Variants in GRIA4 observed in about 807,000 individuals in gnomAD.
GRIA4 encodes the protein glutamate ionotropic receptor AMPA type subunit 4.
Under a neutral mutation model 104.0 loss-of-function variants are expected in GRIA4, and 34 were observed. The observed-to-expected ratio is 0.33, with a 90% CI of 0.25 to 0.44. The LOEUF is 0.44. Among genes scored for constraint, GRIA4 ranks in the 20% least tolerant of loss-of-function variants. The pLI is 1.00. For missense variants in GRIA4, 750 were observed against 1,096.5 expected (o/e 0.68, Z 4.46); for synonymous variants, 386 against 381.9 (o/e 1.01, Z -0.13).
chr11:105,647,453 A>G (rs747412213), intron 3 of GRIA4, among the ~76,000 whole-genome samples: 20 of 151,974 alleles, frequency 1.3e-4, no homozygotes, highest in Non-Finnish European at 5.9e-5. Context: ...TATATATCCA[A>G]AGGAATATAA....
chr11:105,931,532 G>A (rs112088223), intron 13 of GRIA4, among the ~76,000 whole-genome samples: 12,096 of 151,610 alleles, frequency 0.08, 531 homozygotes, highest in Middle Eastern at 0.099. Flanking sequence ...ATGAAACCCC[G>A]TCTCTACTAA....
chr11:105,886,195 A>G (rs1946249872), intron 5 of GRIA4, among the ~76,000 whole-genome samples: 1 of 152,030 alleles, frequency 6.6e-6, no homozygotes, highest in South Asian at 2.1e-4. Flanking sequence ...TTATTTATTT[A>G]TTTATTTATT....
intron 3 of GRIA4, among the ~76,000 whole-genome samples, chr11:105,685,699 A>G (rs1952857640): frequency 6.6e-6 from 1 of 152,202 alleles, no homozygotes; most frequent in Non-Finnish European, 1.5e-5. Flanking sequence ...AGGACATTCT[A>G]TGAGAAGAGA....
chr11:105,909,368 G>A (rs1268065120), intron 9 of GRIA4, among the ~76,000 whole-genome samples: 1 of 152,102 alleles, frequency 6.6e-6, no homozygotes, highest in African/African-American at 2.4e-5. Context: ...TTTATCAACT[G>A]AATCAAGAAA....
In GRIA4 at chr11:105,788,032, T is replaced by C. The variant is rs115740205; in HGVS notation, c.487+34812T>C. ...AAGGCATGTGGATTTAGTCAAGGTT[T>C]GATCAGTAAAGAAAGTACTATTGTT... is the stretch of plus-strand genomic sequence containing the variant. On this transcript the variant is annotated intron_variant, in intron 4 of 16. Coordinates refer to ENST00000282499, the MANE Select transcript of GRIA4 (RefSeq NM_000829.4). 6.0e-3 allele frequency among the ~76,000 whole-genome samples: 912 copies of C among 152,230 alleles called. 16 individuals carry two copies. The highest frequency in any genetic ancestry group is 0.02 in the African/African-American group (826 of 41,536).
At chr11:105,866,532 CATAT>C (rs1386433073) in intron 5 of GRIA4, among the ~76,000 whole-genome samples, 1 of 100,046 alleles carries the variant, frequency 1.0e-5, no homozygotes, top group Non-Finnish European at 2.0e-5. Flanking sequence ...CATATATACG[CATAT>C]GTGTGTGTGT....
chr11:105,611,908 T>C (rs1355375598), intron 2 of GRIA4, among the ~76,000 whole-genome samples: 1 of 152,134 alleles, frequency 6.6e-6, no homozygotes, highest in Non-Finnish European at 1.5e-5. Context: ...ATCCCTTCAT[T>C]TCCGTATTTT....
At chr11:105,686,906 T>A (rs988029925) in intron 3 of GRIA4, among the ~76,000 whole-genome samples, 7 of 152,170 alleles carry the variant, frequency 4.6e-5, no homozygotes, top group Non-Finnish European at 7.4e-5. Flanking sequence ...ATTTTGCCAA[T>A]GTTTTAATGG....
chr11:105,630,077 G>GT lies in GRIA4; in HGVS notation c.247+17649dup, dbSNP rs761131586. ...GCCATCTGGTCACTTTCTTTAGGTA[G>GT]TTTTTTCTGACCACCCCAGATTGAT... On this transcript the variant is annotated intron_variant, in intron 3 of 16. Transcript: ENST00000282499. Among the ~76,000 whole-genome samples the GT allele has an allele frequency of 9.2e-5, 14 of 152,216 alleles. No individual in the cohort carries two copies. The East Asian group carries it at 2.5e-3, about 27-fold the overall frequency.
intron 11 of GRIA4, among the ~76,000 whole-genome samples, chr11:105,924,046 A>C (rs1385362620): frequency 6.6e-6 from 1 of 152,164 alleles, no homozygotes; most frequent in Non-Finnish European, 1.5e-5. Flanking sequence ...GGAAATTCAC[A>C]AATTCAGCCA....
At chr11:105,889,732 G>A (rs1946394126) in intron 6 of GRIA4, among the ~76,000 whole-genome samples, 1 of 151,912 alleles carries the variant, frequency 6.6e-6, no homozygotes, top group African/African-American at 2.4e-5. Context: ...TCAATAAAAG[G>A]CATCCAGATT....
intron 4 of GRIA4, among the ~76,000 whole-genome samples, chr11:105,831,289 GT>G (rs1330795351): frequency 2.0e-5 from 3 of 151,976 alleles, no homozygotes; most frequent in Non-Finnish European, 4.4e-5. Flanking sequence ...AAGAAGGAGT[GT>G]TTCAAAGGAT....
intron 10 of GRIA4, among the ~76,000 whole-genome samples, chr11:105,914,906 A>G (rs1321738762): frequency 1.3e-5 from 2 of 152,172 alleles, no homozygotes; most frequent in Non-Finnish European, 2.9e-5. Context: ...GGAATTTATT[A>G]TATTGAAAAG....
At chr11:105,908,467 C>T (rs1947119715) in intron 9 of GRIA4, among the ~76,000 whole-genome samples, 1 of 151,994 alleles carries the variant, frequency 6.6e-6, no homozygotes. Flanking sequence ...CTTTAGGATT[C>T]CTTTCTTTAG....
intron 4 of GRIA4, among the ~76,000 whole-genome samples, chr11:105,773,219 C>G (rs577094921): frequency 4.6e-5 from 7 of 152,146 alleles, no homozygotes; most frequent in Admixed American, 1.3e-4. Context: ...GTACAAGGTA[C>G]AGGTCCCTTC....
intron 4 of GRIA4, among the ~76,000 whole-genome samples, chr11:105,769,430 C>T (rs1333012054): frequency 6.6e-6 from 1 of 151,906 alleles, no homozygotes; most frequent in African/African-American, 2.4e-5. Context: ...ACAGTGTACC[C>T]ATGAGTATGA....
At chr11:105,688,430 G>A (rs1280158016) in intron 3 of GRIA4, among the ~76,000 whole-genome samples, 4 of 152,000 alleles carry the variant, frequency 2.6e-5, no homozygotes, top group African/African-American at 7.2e-5. Flanking sequence ...GCGTGGTGGC[G>A]TGCGCCTGTA....
rs374778134 is a variant in GRIA4, at chr11:105,864,902, T to C, written c.672+2694T>C. Among the ~76,000 whole-genome samples the C allele has an allele frequency of 1.0e-3, 157 of 152,278 alleles. No individual in the cohort carries two copies. In the South Asian group the frequency reaches 0.031, roughly 30 times the overall value. ...AAAAATTTCTAGAAGGATGGGCACA[T>C]TTCATATTATGGTAGCATGCCATCA... On this transcript the variant is annotated intron_variant, in intron 5 of 16. Transcript: ENST00000282499.
intron 4 of GRIA4, among the ~76,000 whole-genome samples, chr11:105,765,913 G>T (rs1940913721): frequency 6.6e-6 from 1 of 152,110 alleles, no homozygotes; most frequent in East Asian, 1.9e-4. Context: ...ATGTGAAAAA[G>T]ATTATGAGGT....
Sources: allele counts gnomAD v4.1 joint callset (sites outside exome capture counted in the v4.1 genomes callset), GRCh38; gene constraint gnomAD v4.1.1; transcripts MANE v1.5; gene names NCBI Gene and HGNC (gene_info 2026-07-23, HGNC 2026-07-21).